GPC6: variants seen among roughly 807,000 people sequenced by gnomAD.
GPC6 encodes glypican-6.
A neutral mutation model predicts 55.2 loss-of-function variants in GPC6; 14 were observed. The ratio of observed to expected loss-of-function variants is 0.25; its 90% CI spans 0.17 to 0.40. GPC6 has a LOEUF of 0.40. Ranked by LOEUF, GPC6 falls within the 10% of genes least tolerant of loss-of-function variation. GPC6 has a pLI of 1.00. For synonymous variants in GPC6, 278 were observed against 259.6 expected, an observed-to-expected ratio of 1.07 and a Z score of -0.68; for missense variants, 641 against 708.5, an observed-to-expected ratio of 0.90 and a Z score of 1.08.
intron 4 of GPC6, among the ~76,000 whole-genome samples, chr13:94,160,119 G>A (rs1049820586): frequency 1.3e-5 from 2 of 152,158 alleles, no homozygotes; most frequent in Non-Finnish European, 2.9e-5. Flanking sequence ...TTTTGAGAGA[G>A]CAAGACAGAA....
intron 4 of GPC6, among the ~76,000 whole-genome samples, chr13:94,037,496 A>ATAT (rs1883380504): frequency 6.6e-6 from 1 of 152,002 alleles, no homozygotes; most frequent in Admixed American, 6.6e-5. Flanking sequence ...ACATTATATA[A>ATAT]ATAAAAAAAT....
At chr13:93,600,978 A>C (rs1027179865) in intron 2 of GPC6, among the ~76,000 whole-genome samples, 9 of 151,732 alleles carry the variant, frequency 5.9e-5, no homozygotes, top group Non-Finnish European at 1.0e-4. Flanking sequence ...AAAAAAAAAA[A>C]AACGGGGATA....
At chr13:93,845,237 C>T (rs1467563648) in intron 3 of GPC6, among the ~76,000 whole-genome samples, 2 of 151,672 alleles carry the variant, frequency 1.3e-5, no homozygotes, top group African/African-American at 2.4e-5. Context: ...AAAAAATGCT[C>T]ATCATCACTG....
At chr13:93,486,494 A>C (rs2139348502) in intron 1 of GPC6, among the ~76,000 whole-genome samples, 1 of 152,372 alleles carries the variant, frequency 6.6e-6, no homozygotes, top group Non-Finnish European at 1.5e-5. Flanking sequence ...TTAATAAAGT[A>C]AAAGAGATTT....
intron 4 of GPC6, among the ~76,000 whole-genome samples, chr13:94,219,222 T>C (rs1458386569): frequency 1.3e-5 from 2 of 152,152 alleles, no homozygotes; most frequent in African/African-American, 2.4e-5. Context: ...CTTTGGAGAA[T>C]TGATGAGAGC....
chr13:93,961,617 A>G (rs934579340), intron 3 of GPC6, among the ~76,000 whole-genome samples: 1 of 152,218 alleles, frequency 6.6e-6, no homozygotes. Context: ...GATGAAGGGA[A>G]ACATTAGCAT....
chr13:93,511,299 C>T (rs1039354027), intron 1 of GPC6, among the ~76,000 whole-genome samples: 3 of 151,486 alleles, frequency 2.0e-5, no homozygotes, highest in Non-Finnish European at 3.0e-5. Flanking sequence ...CTTAGGTTTT[C>T]TACTAGTATT....
intron 2 of GPC6, among the ~76,000 whole-genome samples, chr13:93,741,394 C>T (rs982053277): frequency 9.2e-5 from 14 of 152,178 alleles, no homozygotes; most frequent in African/African-American, 2.6e-4. Flanking sequence ...GGATTACAGG[C>T]GTGAGCCACC....
chr13:93,258,443 C>T (rs1183105910), intron 1 of GPC6, among the ~76,000 whole-genome samples: 1 of 152,036 alleles, frequency 6.6e-6, no homozygotes, highest in Non-Finnish European at 1.5e-5. Flanking sequence ...TTATGGATGG[C>T]CTTGGTGGTT....
At chr13:94,033,642 A>G (rs1435257617) in intron 4 of GPC6, among the ~76,000 whole-genome samples, 1 of 152,218 alleles carries the variant, frequency 6.6e-6, no homozygotes, top group Non-Finnish European at 1.5e-5. Flanking sequence ...CTTCTCAGGC[A>G]TAAAAGTCCA....
chr13:94,084,700 T>C (rs781693724), intron 4 of GPC6, among the ~76,000 whole-genome samples: 6 of 152,234 alleles, frequency 3.9e-5, no homozygotes, highest in Non-Finnish European at 8.8e-5. Flanking sequence ...CCTTCTTAAG[T>C]TGATAAAGTT....
At chr13:93,622,595 A>G (rs1879005910) in intron 2 of GPC6, among the ~76,000 whole-genome samples, 1 of 152,140 alleles carries the variant, frequency 6.6e-6, no homozygotes, top group Admixed American at 6.5e-5. Flanking sequence ...CCAAGGACTA[A>G]GGCTATTTAT....
At chr13:93,501,343 C>T (rs1452482019) in intron 1 of GPC6, among the ~76,000 whole-genome samples, 1 of 152,052 alleles carries the variant, frequency 6.6e-6, no homozygotes, top group Non-Finnish European at 1.5e-5. Flanking sequence ...AAATCTCTCA[C>T]CTTATATAAG....
chr13:93,957,731 AT>A (rs2140379648), intron 3 of GPC6, among the ~76,000 whole-genome samples: 1 of 152,314 alleles, frequency 6.6e-6, no homozygotes, highest in African/African-American at 2.4e-5. Flanking sequence ...TCCTTTGAGT[AT>A]ATACACAGTC....
intron 2 of GPC6, among the ~76,000 whole-genome samples, chr13:93,628,522 G>C (rs1369634044): frequency 1.3e-5 from 2 of 152,148 alleles, no homozygotes; most frequent in Admixed American, 6.5e-5. Flanking sequence ...GAGGGTCTGG[G>C]GTCAGTGCTG....
At chr13:93,266,756 T>C (rs549225807) in intron 1 of GPC6, among the ~76,000 whole-genome samples, 9 of 152,302 alleles carry the variant, frequency 5.9e-5, no homozygotes, top group East Asian at 1.9e-4. Flanking sequence ...TTTAAGGAGA[T>C]TAAATGTCAG....
At chr13:93,402,365 G>A (rs1331923864) in intron 1 of GPC6, among the ~76,000 whole-genome samples, 9 of 152,192 alleles carry the variant, frequency 5.9e-5, no homozygotes, top group African/African-American at 1.9e-4. Flanking sequence ...TTTGTAGCAC[G>A]CCATCCCAGA....
chr13:93,730,559 A>T (rs9524179), intron 2 of GPC6, among the ~76,000 whole-genome samples: 1 of 152,050 alleles, frequency 6.6e-6, no homozygotes, highest in Admixed American at 6.6e-5. Context: ...GCCATTTATT[A>T]TAACTAATTG....
chr13:93,935,914 C>T (rs1326158692), intron 3 of GPC6, among the ~76,000 whole-genome samples: 2 of 152,116 alleles, frequency 1.3e-5, no homozygotes, highest in African/African-American at 4.8e-5. Context: ...AATCTCTGTG[C>T]CCAGGGCTCT....
Sources: allele counts gnomAD v4.1 joint callset (sites outside exome capture counted in the v4.1 genomes callset), GRCh38; gene constraint gnomAD v4.1.1; transcripts MANE v1.5; gene names NCBI Gene and HGNC (gene_info 2026-07-23, HGNC 2026-07-21).